UBE2R2: variants seen among roughly 807,000 people sequenced by gnomAD.
UBE2R2 encodes the protein ubiquitin-conjugating enzyme E2 R2.
In UBE2R2, 1 loss-of-function variant was observed where a neutral mutation model predicts 27.8. The observed-to-expected ratio is 0.04, with a 90% CI of 0.01 to 0.17. UBE2R2 has a LOEUF of 0.17. Ranked by LOEUF, UBE2R2 falls within the 10% of genes least tolerant of loss-of-function variation. The pLI, the probability that UBE2R2 is intolerant of heterozygous loss-of-function variation, is 1.00. For synonymous variants in UBE2R2, 106 were observed against 113.3 expected (o/e 0.94, Z 0.41); for missense variants, 100 against 291.0 (o/e 0.34, Z 4.78).
intron 2 of UBE2R2, among the ~76,000 whole-genome samples, chr9:33,897,387 G>A (rs1205052845): frequency 5.1e-5 from 7 of 138,430 alleles, no homozygotes; most frequent in Non-Finnish European, 7.8e-5. Flanking sequence ...GTGTGATCTC[G>A]GCTCACCGCA....
At chr9:33,849,690 TAA>T (rs71506141) in intron 1 of UBE2R2, among the ~76,000 whole-genome samples, 195 of 139,372 alleles carry the variant, frequency 1.4e-3, no homozygotes, top group Middle Eastern at 7.2e-3. Flanking sequence ...CATCTCTACT[TAA>T]AAAAAAAAAA....
At chr9:33,876,335 G>A (rs371066397) in intron 1 of UBE2R2, among the ~76,000 whole-genome samples, 3 of 151,990 alleles carry the variant, frequency 2.0e-5, no homozygotes, top group Non-Finnish European at 2.9e-5. Context: ...TAGCCTGGGC[G>A]ACAGAGCAAG....
intron 1 of UBE2R2, among the ~76,000 whole-genome samples, chr9:33,876,616 T>TA (rs1320293092): frequency 2.6e-5 from 4 of 152,044 alleles, no homozygotes; most frequent in East Asian, 3.9e-4. Context: ...CATGATGCTT[T>TA]AAAAAAATCA....
chr9:33,891,082 C>T (rs1282905680), intron 2 of UBE2R2, among the ~76,000 whole-genome samples: 4 of 79,386 alleles, frequency 5.0e-5, no homozygotes, highest in Admixed American at 1.6e-4. Flanking sequence ...TGGAGTCTTG[C>T]TCTGTCACCC....
Position 33,911,949 on chromosome 9 carries a change from T to C in UBE2R2, c.363-15T>C. ...ATATGGGTATTCATAGCTGATCCTT[T>C]TTTCCTGTTTCTAGGACTATCCTAT... On this transcript the variant is annotated splice_polypyrimidine_tract_variant and intron_variant, in intron 3 of 4. Coordinates refer to ENST00000263228, the MANE Select transcript of UBE2R2 (RefSeq NM_017811.4). The C allele has an allele frequency of 6.2e-7, 1 of 1,606,566 alleles. No individual in the cohort carries two copies. Among genetic ancestry groups the C allele is most frequent in the Non-Finnish European group, 8.5e-7 (1 of 1,177,358 alleles).
Position 33,817,185 on chromosome 9 carries a change from G to A in UBE2R2, c.-573G>A, listed in dbSNP as rs1299169127. Among the ~76,000 whole-genome samples, 2 of 144,710 alleles carry A rather than the reference G, an allele frequency of 1.4e-5. No individual in the cohort carries two copies. Among genetic ancestry groups the A allele is most frequent in the African/African-American group, 5.1e-5 (2 of 39,434 alleles). The allele number at this position is 144,710 out of a possible 152,430, so 94.9% of individuals were successfully genotyped here. A position where few individuals can be genotyped will look rare whatever the true frequency, so the allele number is the denominator to read the frequency against. ...GCTTCTCGGCTCCGTTGCTCCCGCG[G>A]CGCGAGGCGCTCTCGCTCTCCTCCT... On this transcript the variant is annotated 5_prime_UTR_variant, in exon 1 of 5. Transcript: ENST00000263228.
chr9:33,854,920 C>T (rs185254354), intron 1 of UBE2R2, among the ~76,000 whole-genome samples: 2 of 152,026 alleles, frequency 1.3e-5, no homozygotes, highest in African/African-American at 4.8e-5. Flanking sequence ...CTATGTTGTC[C>T]AGGTTGGTCT....
rs1391559637 is a variant in UBE2R2 at position 33,918,985 on chromosome 9, CTCTAAAGTT to C, written c.*1750_*1758del. 3 of 152,944 alleles carry C rather than the reference CTCTAAAGTT, an allele frequency of 2.0e-5. No homozygotes were observed. The highest frequency in any genetic ancestry group is 6.5e-5 in the Admixed American group (1 of 15,282). The allele number at this position is 152,944 out of a possible 1,614,324, so 9.5% of individuals were successfully genotyped here. ...TTTGGTCCCAGCAGCCCTTCCCAGCCTCTAAAGTTTGGTCTGGTATGAAATGGGACTGTT... is the reference window on the plus strand; with the variant it reads ...TTTGGTCCCAGCAGCCCTTCCCAGCCTGGTCTGGTATGAAATGGGACTGTT... On this transcript the variant is annotated 3_prime_UTR_variant, in exon 5 of 5. Coordinates refer to ENST00000263228, the MANE Select transcript of UBE2R2 (RefSeq NM_017811.4).
At chr9:33,856,867 GTCCT>G (rs33963858) in intron 1 of UBE2R2, among the ~76,000 whole-genome samples, 2,128 of 136,938 alleles carry the variant, frequency 0.016, 76 homozygotes, top group African/African-American at 0.055. Context: ...CCGTCTGTCC[GTCCT>G]TCCTTCCTTC....
intron 1 of UBE2R2, among the ~76,000 whole-genome samples, chr9:33,885,420 A>G (rs781449159): frequency 2.6e-5 from 4 of 152,220 alleles, no homozygotes; most frequent in Non-Finnish European, 1.5e-5. Context: ...ATTGTTTTCA[A>G]CAAAGCTGCC....
chr9:33,862,509 C>T (rs1206088370), intron 1 of UBE2R2, among the ~76,000 whole-genome samples: 4 of 152,136 alleles, frequency 2.6e-5, no homozygotes, highest in East Asian at 1.9e-4. Flanking sequence ...GGCTGAATTA[C>T]ATGCCGTGTG....
intron 1 of UBE2R2, among the ~76,000 whole-genome samples, chr9:33,840,080 T>TAGAAA (rs1820699858): frequency 2.0e-5 from 3 of 152,322 alleles, no homozygotes; most frequent in Admixed American, 6.5e-5. Flanking sequence ...GTAGGTATGT[T>TAGAAA]TTCTAAGTTG....
chr9:33,856,236 C>G (rs887090163), intron 1 of UBE2R2, among the ~76,000 whole-genome samples: 1 of 151,964 alleles, frequency 6.6e-6, no homozygotes, highest in Non-Finnish European at 1.5e-5. Flanking sequence ...CCGGTCAGTC[C>G]TCAGCAAAGC....
intron 1 of UBE2R2, among the ~76,000 whole-genome samples, chr9:33,876,901 G>A (rs1473324354): frequency 6.6e-6 from 1 of 151,878 alleles, no homozygotes; most frequent in East Asian, 1.9e-4. Context: ...GGGCAATAGC[G>A]AGACTCCATC....
chr9:33,870,245 C>T (rs1208113856), intron 1 of UBE2R2, among the ~76,000 whole-genome samples: 4 of 152,094 alleles, frequency 2.6e-5, no homozygotes, highest in Admixed American at 2.0e-4. Context: ...TGGGTTCAAG[C>T]GATTCTCCTG....
intron 3 of UBE2R2, among the ~76,000 whole-genome samples, chr9:33,904,638 T>G (rs1027162231): frequency 6.6e-6 from 1 of 152,108 alleles, no homozygotes; most frequent in African/African-American, 2.4e-5. Context: ...ATCTGGTGAG[T>G]AGTGAGAGTT....
intron 2 of UBE2R2, among the ~76,000 whole-genome samples, chr9:33,893,059 C>G (rs1000133740): frequency 1.3e-5 from 2 of 152,086 alleles, no homozygotes; most frequent in African/African-American, 2.4e-5. Flanking sequence ...GGTGACAGAG[C>G]AAGACTGTAT....
At chr9:33,821,396 G>T (rs933762812) in intron 1 of UBE2R2, among the ~76,000 whole-genome samples, 1 of 152,000 alleles carries the variant, frequency 6.6e-6, no homozygotes, top group African/African-American at 2.4e-5. Flanking sequence ...GGGTTCAAAG[G>T]ATCCTCCTTT....
At chr9:33,878,273 C>T (rs746401614) in intron 1 of UBE2R2, among the ~76,000 whole-genome samples, 10 of 152,106 alleles carry the variant, frequency 6.6e-5, no homozygotes, top group African/African-American at 1.2e-4. Context: ...GGACCAGTGG[C>T]CCAGGTCCAA....
Sources: allele counts gnomAD v4.1 joint callset (sites outside exome capture counted in the v4.1 genomes callset), GRCh38; gene constraint gnomAD v4.1.1; transcripts MANE v1.5; gene names NCBI Gene and HGNC (gene_info 2026-07-23, HGNC 2026-07-21).